The following FOXN3 variants were observed in gnomAD, a reference collection of about 807,000 sequenced individuals.
FOXN3 encodes forkhead box N3.
A neutral mutation model predicts 38.4 loss-of-function variants in FOXN3; 7 were observed. The ratio of observed to expected loss-of-function variants is 0.18; its 90% CI spans 0.10 to 0.34. FOXN3 has a LOEUF of 0.34. Among genes scored for constraint, FOXN3 ranks in the 10% least tolerant of loss-of-function variants. The pLI is 1.00. For synonymous variants in FOXN3, 230 were observed against 242.2 expected (o/e 0.95, Z 0.47); for missense variants, 456 against 613.4 (o/e 0.74, Z 2.71).
intron 2 of FOXN3, among the ~76,000 whole-genome samples, chr14:89,386,492 C>G (rs543562016): frequency 1.8e-4 from 28 of 152,368 alleles, no homozygotes; most frequent in Admixed American, 1.8e-3. Flanking sequence ...GCTAGGGGAA[C>G]TTAGCAAGTA....
At chr14:89,603,193 T>C (rs1896194260) in intron 1 of FOXN3, among the ~76,000 whole-genome samples, 1 of 152,158 alleles carries the variant, frequency 6.6e-6, no homozygotes, top group Non-Finnish European at 1.5e-5. Flanking sequence ...TCCACATGCT[T>C]TTCCTTTTTT....
rs1278364995 is a variant in FOXN3, at chr14:89,156,324, A to G, written c.*6090T>C. 6.5e-6 allele frequency: 1 copy of G among 152,674 alleles called. No individual in the cohort carries two copies. Among genetic ancestry groups the G allele is most frequent in the Non-Finnish European group, 1.5e-5 (1 of 68,040 alleles). The allele number at this position is 152,674 out of a possible 1,614,324, so 9.5% of individuals were successfully genotyped here. A position where few individuals can be genotyped will look rare whatever the true frequency, so the allele number is the denominator to read the frequency against. On this transcript the variant is annotated 3_prime_UTR_variant, in exon 6 of 6. Transcript: ENST00000557258. The stretch of plus-strand genomic sequence containing the variant: ...TTGGCAATATGATTACATACGAAGA[A>G]TGCAAAATGCAGGTATGGATGCCTT...
At position 89,162,783 on chromosome 14, in the gene FOXN3, A is replaced by C; in HGVS notation, c.1038T>G (p.Phe346Leu). 2 of 1,612,900 alleles carry C rather than the reference A, an allele frequency of 1.2e-6. No homozygotes were observed. The highest frequency in any genetic ancestry group is 1.7e-6 in the Non-Finnish European group (2 of 1,179,646). Residue 346 changes from phenylalanine (F) to leucine (L), a missense_variant, in exon 6 of 6, where the codon TTT becomes TTG. Coordinates refer to ENST00000557258, the MANE Select transcript of FOXN3 (RefSeq NM_005197.4). This position sits in a 1 kb window ranked among gnomAD's most constrained non-coding sequence, Gnocchi z 7.2. Reference protein sequence around the residue: ...SSSSADDHYEFATKGSQEGSE... With the variant: ...SSSSADDHYELATKGSQEGSE... ...TGCCCTCCTGGCTCCCCTTGGTGGC[A>C]AACTCATAGTGGTCGTCGGCTGAGG...
intron 1 of FOXN3, among the ~76,000 whole-genome samples, chr14:89,514,636 T>C (rs887469496): frequency 2.0e-5 from 3 of 152,186 alleles, no homozygotes; most frequent in Non-Finnish European, 4.4e-5. Flanking sequence ...GCCCCGACTG[T>C]CAGGACGGCA....
At chr14:89,182,784 G>C (rs1164945285) in intron 4 of FOXN3, among the ~76,000 whole-genome samples, 2 of 152,186 alleles carry the variant, frequency 1.3e-5, no homozygotes, top group African/African-American at 4.8e-5. Context: ...TAGACATATA[G>C]ACCAATCGAA....
intron 1 of FOXN3, among the ~76,000 whole-genome samples, chr14:89,491,222 C>T (rs1268953223): frequency 1.3e-5 from 2 of 152,120 alleles, no homozygotes; most frequent in Admixed American, 6.6e-5. Context: ...GTGATCTTCC[C>T]GCCTCAGCCT....
intron 1 of FOXN3, among the ~76,000 whole-genome samples, chr14:89,520,090 T>G (rs1002630631): frequency 1.3e-5 from 2 of 149,920 alleles, no homozygotes; most frequent in Non-Finnish European, 3.0e-5. Flanking sequence ...CGCGGATCAC[T>G]GCAGCCTCCA....
intron 1 of FOXN3, among the ~76,000 whole-genome samples, chr14:89,413,454 C>T (rs550057439): frequency 2.0e-5 from 3 of 151,542 alleles, no homozygotes; most frequent in East Asian, 1.9e-4. Context: ...GGCAACATGG[C>T]GAAACCCCAT....
chr14:89,206,877 C>T (rs572501443), intron 4 of FOXN3, among the ~76,000 whole-genome samples: 23 of 152,126 alleles, frequency 1.5e-4, no homozygotes, highest in Non-Finnish European at 3.1e-4. Flanking sequence ...GCCTGGGAGC[C>T]TTCAGACTTT....
At chr14:89,592,984 G>C (rs929885111) in intron 1 of FOXN3, among the ~76,000 whole-genome samples, 1 of 142,590 alleles carries the variant, frequency 7.0e-6, no homozygotes, top group East Asian at 2.4e-4. Flanking sequence ...GGATGAACAG[G>C]TAGGAAGGAA....
chr14:89,538,719 T>C (rs1213086125), intron 1 of FOXN3, among the ~76,000 whole-genome samples: 4 of 151,256 alleles, frequency 2.6e-5, no homozygotes, highest in African/African-American at 7.3e-5. Context: ...GGTTTCTCCA[T>C]GTTGGTCAGC....
intron 1 of FOXN3, among the ~76,000 whole-genome samples, chr14:89,567,650 G>GC (rs897900970): frequency 6.6e-6 from 1 of 151,454 alleles, no homozygotes; most frequent in Non-Finnish European, 1.5e-5. Flanking sequence ...TTAATGAGTG[G>GC]CAAGGACAAG....
chr14:89,197,913 C>A (rs1222394627), intron 4 of FOXN3, among the ~76,000 whole-genome samples: 1 of 152,228 alleles, frequency 6.6e-6, no homozygotes, highest in African/African-American at 2.4e-5. Context: ...TCTTCTGTAA[C>A]ATTACTAGAC....
Position 89,337,598 on chromosome 14 carries a change from T to A in FOXN3, c.680+13074A>T, listed in dbSNP as rs1314985351. 3.3e-5 allele frequency among the ~76,000 whole-genome samples: 5 copies of A among 151,518 alleles called. No homozygotes were observed. In the East Asian group the frequency reaches 7.8e-4, roughly 24 times the overall value. ...GACAAAGCTGGAGCAATTCCTGGCC[T>A]GCACCACCGTCAGCACATTTGCATT... On this transcript the variant is annotated intron_variant, in intron 3 of 5. Coordinates refer to ENST00000557258, the MANE Select transcript of FOXN3 (RefSeq NM_005197.4).
intron 1 of FOXN3, among the ~76,000 whole-genome samples, chr14:89,587,465 T>C (rs1895862812): frequency 6.6e-6 from 1 of 152,074 alleles, no homozygotes; most frequent in South Asian, 2.1e-4. Context: ...TAGAGAACGA[T>C]AAGGACTGGG....
chr14:89,168,542 T>A (rs867530031), intron 5 of FOXN3, among the ~76,000 whole-genome samples: 1 of 152,132 alleles, frequency 6.6e-6, no homozygotes. Context: ...AGTGAATTGT[T>A]AGATGGACCT....
At chr14:89,463,161 C>A (rs561782750) in intron 1 of FOXN3, among the ~76,000 whole-genome samples, 1 of 151,490 alleles carries the variant, frequency 6.6e-6, no homozygotes, top group Non-Finnish European at 1.5e-5. Context: ...TGGTGGCAGG[C>A]GCCTGTAGTC....
At chr14:89,414,552 T>TA (rs1491518948) in intron 1 of FOXN3, among the ~76,000 whole-genome samples, 3 of 58,762 alleles carry the variant, frequency 5.1e-5, no homozygotes, top group African/African-American at 8.0e-5. Flanking sequence ...GCCCAACCGG[T>TA]TTTTTTTTTT....
chr14:89,376,564 G>A (rs72701700), intron 2 of FOXN3, among the ~76,000 whole-genome samples: 28,403 of 152,078 alleles, frequency 0.19, 2,888 homozygotes, highest in South Asian at 0.38. Flanking sequence ...GTATCTCTCC[G>A]TAGGCTATGT....
Sources: gnomAD v4.1 joint callset for allele counts (sites outside exome capture counted in the v4.1 genomes callset) on GRCh38, gnomAD v4.1.1 for gene constraint, Gnocchi (gnomAD v3.1) non-coding constraint, MANE v1.5 for transcripts, NCBI Gene and HGNC (gene_info 2026-07-23, HGNC 2026-07-21) for gene names.